Variants in CADPS2 observed in about 807,000 individuals in gnomAD.
CADPS2 encodes the protein calcium dependent secretion activator 2.
CADPS2 carries 93 observed loss-of-function variants against 172.5 expected under a neutral mutation model. The observed-to-expected ratio is 0.54, with a 90% CI of 0.46 to 0.64. CADPS2 has a LOEUF of 0.64. Ranked by LOEUF, CADPS2 falls within the 30% of genes least tolerant of loss-of-function variation. The probability of loss-of-function intolerance (pLI) is 0.00; values close to 1 mark genes in which losing one functional copy is unlikely to be tolerated. For synonymous variants in CADPS2, 546 were observed against 555.2 expected, an observed-to-expected ratio of 0.98 and a Z score of 0.23; for missense variants, 1,420 against 1,565.9, an observed-to-expected ratio of 0.91 and a Z score of 1.57.
chr7:122,397,403 G>A (rs1005286879), intron 20 of CADPS2, among the ~76,000 whole-genome samples: 1 of 148,886 alleles, frequency 6.7e-6, no homozygotes, highest in Non-Finnish European at 1.5e-5. Context: ...AGGGGAAGGA[G>A]GGAGTGGGGG....
In CADPS2 at chr7:122,677,803, A is replaced by C. The variant is rs1451292492; in HGVS notation, c.454-14234T>G. ...ATGCAATCAAGTTCAGCAATTTATCAATTTGTGGCTCATTCGGCTGAGCTG... is the reference window on the plus strand; with the variant it reads ...ATGCAATCAAGTTCAGCAATTTATCCATTTGTGGCTCATTCGGCTGAGCTG... On this transcript the variant is annotated intron_variant, in intron 2 of 29. Transcript: ENST00000449022. 2.0e-5 allele frequency among the ~76,000 whole-genome samples: 3 copies of C among 152,144 alleles called. No individual in the cohort carries two copies. In the East Asian group the frequency reaches 5.8e-4, roughly 29 times the overall value.
chr7:122,677,904 C>T lies in CADPS2; in HGVS notation c.454-14335G>A, dbSNP rs565478313. ...CTGTTCACCTGTTTGTCAAGCATTC[C>T]GCAGCTTGATGGTATTTCTCTATTC... On this transcript the variant is annotated intron_variant, in intron 2 of 29. Transcript: ENST00000449022. 9.9e-5 allele frequency among the ~76,000 whole-genome samples: 15 copies of T among 152,274 alleles called. No homozygotes were observed. In the South Asian group the frequency reaches 2.7e-3, roughly 27 times the overall value.
chr7:122,743,502 G>A (rs554308535), intron 1 of CADPS2, among the ~76,000 whole-genome samples: 13 of 152,152 alleles, frequency 8.5e-5, no homozygotes, highest in Non-Finnish European at 1.2e-4. Flanking sequence ...ACTTACAGTG[G>A]AAGCTGTGTG....
intron 7 of CADPS2, among the ~76,000 whole-genome samples, chr7:122,558,114 C>A (rs1405595287): frequency 6.6e-6 from 1 of 152,152 alleles, no homozygotes; most frequent in Non-Finnish European, 1.5e-5. Context: ...TAACGACTTT[C>A]TTGTTATAGC....
At chr7:122,498,429 C>T (rs1479693182) in intron 9 of CADPS2, among the ~76,000 whole-genome samples, 1 of 152,172 alleles carries the variant, frequency 6.6e-6, no homozygotes, top group Non-Finnish European at 1.5e-5. Context: ...AATGTTGCCT[C>T]TGTCACATTT....
chr7:122,665,615 T>C (rs1173105722), intron 2 of CADPS2, among the ~76,000 whole-genome samples: 1 of 152,236 alleles, frequency 6.6e-6, no homozygotes, highest in Non-Finnish European at 1.5e-5. Context: ...TATGATAAAG[T>C]GTTGAACATC....
chr7:122,683,619 T>A (rs117201315), intron 2 of CADPS2, among the ~76,000 whole-genome samples: 4,917 of 152,240 alleles, frequency 0.032, 170 homozygotes, highest in Non-Finnish European at 0.041. Context: ...TGAAATAAAT[T>A]TTAAAATCAC....
chr7:122,665,337 G>A (rs985904167), intron 2 of CADPS2, among the ~76,000 whole-genome samples: 1 of 152,036 alleles, frequency 6.6e-6, no homozygotes, highest in South Asian at 2.1e-4. Flanking sequence ...TGTTTTTCTT[G>A]TTTCCTATCT....
At chr7:122,691,211 C>T (rs2084313372) in intron 2 of CADPS2, among the ~76,000 whole-genome samples, 1 of 152,194 alleles carries the variant, frequency 6.6e-6, no homozygotes, top group Non-Finnish European at 1.5e-5. Flanking sequence ...CCCATTCTGC[C>T]ACACTCTTAT....
chr7:122,755,950 C>T (rs919826179), intron 1 of CADPS2, among the ~76,000 whole-genome samples: 3 of 152,144 alleles, frequency 2.0e-5, no homozygotes, highest in African/African-American at 7.2e-5. Context: ...ATAATAAAAT[C>T]CAAGCTGCTA....
At chr7:122,688,139 C>T (rs570917138) in intron 2 of CADPS2, among the ~76,000 whole-genome samples, 1 of 152,208 alleles carries the variant, frequency 6.6e-6, no homozygotes, top group Non-Finnish European at 1.5e-5. Flanking sequence ...TTCCTCTACT[C>T]CCCCTGACCC....
intron 20 of CADPS2, 71 bp downstream of exon 20, chr7:122,407,469 A>T (rs1362119678): frequency 6.0e-6 from 9 of 1,497,940 alleles, no homozygotes; most frequent in Non-Finnish European, 8.1e-6. Flanking sequence ...GGGCACAGTA[A>T]AAATACATTC....
chr7:122,699,680 T>C (rs112049664), intron 2 of CADPS2, among the ~76,000 whole-genome samples: 3 of 152,300 alleles, frequency 2.0e-5, no homozygotes, highest in African/African-American at 7.2e-5. Flanking sequence ...TGCCTCACTT[T>C]CTCTGTCTTA....
At chr7:122,812,266 T>C (rs1800180480) in intron 1 of CADPS2, among the ~76,000 whole-genome samples, 1 of 152,076 alleles carries the variant, frequency 6.6e-6, no homozygotes, top group African/African-American at 2.4e-5. Context: ...AAGTAGCACT[T>C]ATTCTGGTTA....
chr7:122,806,189 A>G (rs976065848), intron 1 of CADPS2, among the ~76,000 whole-genome samples: 3 of 152,196 alleles, frequency 2.0e-5, no homozygotes, highest in East Asian at 3.9e-4. Context: ...TCAAGTTAGG[A>G]AAGTTGACTA....
intron 2 of CADPS2, among the ~76,000 whole-genome samples, chr7:122,691,101 T>A (rs770257774): frequency 6.6e-6 from 1 of 152,224 alleles, no homozygotes; most frequent in African/African-American, 2.4e-5. Flanking sequence ...GGTGCTTCAC[T>A]TCACTAAAGT....
intron 27 of CADPS2, among the ~76,000 whole-genome samples, chr7:122,350,843 A>T (rs1490356300): frequency 6.6e-6 from 1 of 151,832 alleles, no homozygotes; most frequent in Non-Finnish European, 1.5e-5. Flanking sequence ...AAAATTAGCC[A>T]GGCATGGTGG....
intron 19 of CADPS2, among the ~76,000 whole-genome samples, chr7:122,408,951 A>G (rs2046990555): frequency 6.6e-6 from 1 of 152,268 alleles, no homozygotes; most frequent in Non-Finnish European, 1.5e-5. Flanking sequence ...TTAAGGAAGA[A>G]CAGTGTAGTA....
At chr7:122,693,119 T>C (rs2084610096) in intron 2 of CADPS2, among the ~76,000 whole-genome samples, 1 of 152,210 alleles carries the variant, frequency 6.6e-6, no homozygotes, top group Admixed American at 6.5e-5. Context: ...CCATGTTCCT[T>C]ACACTGTGTC....
Sources: allele counts gnomAD v4.1 joint callset (sites outside exome capture counted in the v4.1 genomes callset), GRCh38; gene constraint gnomAD v4.1.1; transcripts MANE v1.5; gene names NCBI Gene and HGNC (gene_info 2026-07-23, HGNC 2026-07-21).